Variants in MAEL observed in about 807,000 individuals in gnomAD.
The protein encoded by MAEL is protein maelstrom homolog.
A neutral mutation model predicts 62.0 loss-of-function variants in MAEL; 46 were observed. The observed-to-expected ratio is 0.74, with a 90% confidence interval of 0.59 to 0.95. The LOEUF is 0.95. MAEL is among the 40% of genes least tolerant of loss of function. MAEL has a pLI of 0.00. For synonymous variants in MAEL, 172 were observed against 175.5 expected (o/e 0.98, Z 0.16); for missense variants, 497 against 526.8 (o/e 0.94, Z 0.55).
chr1:166,978,507 A>G (rs150768833), intron 1 of MAEL, among the ~76,000 whole-genome samples: 18 of 152,268 alleles, frequency 1.2e-4, no homozygotes, highest in Middle Eastern at 3.4e-3. Flanking sequence ...CAGAGTCCCA[A>G]TGTGGTTTCT....
In MAEL at chr1:166,989,606, C is replaced by T. The variant is rs1571240593; in HGVS notation, c.132+122C>T. The T allele has an allele frequency of 8.8e-6, 13 of 1,473,308 alleles. 1 individual carries two copies. In the Middle Eastern group the frequency reaches 2.0e-3, roughly 230 times the overall value. 91.3% of individuals were successfully genotyped at this position (1,473,308 alleles called of 1,614,324 possible). A position where few individuals can be genotyped will look rare whatever the true frequency, so the allele number is the denominator to read the frequency against. On this transcript the variant is annotated intron_variant, in intron 1 of 11. Coordinates refer to ENST00000367872, the MANE Select transcript of MAEL (RefSeq NM_032858.3). ...TGGCCCTGCCAGAGGAAGAGGAAGGCCCCCGTTTGTGGCCCTGGGCAAACC... is the reference window on the plus strand; with the variant it reads ...TGGCCCTGCCAGAGGAAGAGGAAGGTCCCCGTTTGTGGCCCTGGGCAAACC...
intron 8 of MAEL, among the ~76,000 whole-genome samples, chr1:167,013,296 C>T (rs559332790): frequency 4.6e-5 from 7 of 152,276 alleles, no homozygotes; most frequent in African/African-American, 1.7e-4. Context: ...GAGATCACCT[C>T]GGCAAACAGC....
At chr1:166,979,826 C>G (rs937342709) in intron 1 of MAEL, among the ~76,000 whole-genome samples, 2 of 152,152 alleles carry the variant, frequency 1.3e-5, no homozygotes, top group African/African-American at 2.4e-5. Context: ...CCTGAATTAG[C>G]TCTCTACCAA....
chr1:166,992,963 C>T, intron 4 of MAEL, 122 bp downstream of exon 4: 1 of 809,764 alleles, frequency 1.2e-6, no homozygotes, highest in African/African-American at 1.8e-5. Flanking sequence ...CTTAATGTAA[C>T]AAGACTTCAT....
chr1:167,006,627 A>ACG (rs1664917743), intron 8 of MAEL, among the ~76,000 whole-genome samples: 1 of 71,928 alleles, frequency 1.4e-5, no homozygotes, highest in African/African-American at 5.5e-5. Flanking sequence ...ATATATATAT[A>ACG]TATATATATA....
chr1:167,019,318 A>C (rs904875692), intron 10 of MAEL, among the ~76,000 whole-genome samples: 1 of 152,142 alleles, frequency 6.6e-6, no homozygotes, highest in African/African-American at 2.4e-5. Context: ...CATCACCACT[A>C]TCTGTGTTCA....
chr1:166,995,279 TACCCA>T (rs1664373142), intron 5 of MAEL, among the ~76,000 whole-genome samples: 1 of 152,050 alleles, frequency 6.6e-6, no homozygotes, highest in Non-Finnish European at 1.5e-5. Context: ...ATGCTCTTGT[TACCCA>T]GGCTGGAGTG....
At chr1:167,006,911 C>T (rs1470016025) in intron 8 of MAEL, among the ~76,000 whole-genome samples, 1 of 151,942 alleles carries the variant, frequency 6.6e-6, no homozygotes, top group East Asian at 1.9e-4. Flanking sequence ...GCTGGGATTA[C>T]ATGCGTGAGC....
At chr1:167,018,857 G>A (rs531246004) in intron 10 of MAEL, among the ~76,000 whole-genome samples, 4 of 152,232 alleles carry the variant, frequency 2.6e-5, no homozygotes, top group African/African-American at 9.6e-5. Context: ...GTGGGAACAG[G>A]GTGTCTGTAA....
chr1:167,002,410 C>A (rs1436780986), intron 5 of MAEL, among the ~76,000 whole-genome samples: 1 of 152,088 alleles, frequency 6.6e-6, no homozygotes, highest in Non-Finnish European at 1.5e-5. Context: ...TTATCGGGAT[C>A]TTCTTTTTGG....
In MAEL at chr1:166,998,969, G is replaced by A. The variant is rs902782446; in HGVS notation, c.523+4900G>A. 1.6e-4 allele frequency among the ~76,000 whole-genome samples: 25 copies of A among 152,074 alleles called. 1 individual carries two copies. The highest frequency in any genetic ancestry group is 5.8e-4 in the African/African-American group (24 of 41,400). On this transcript the variant is annotated intron_variant, in intron 5 of 11. Transcript: ENST00000367872. ...TCATGAACCATGCCCATATAAGATG[G>A]CAAATTTAATTAATAAATGTTGTAT...
upstream of MAEL, among the ~76,000 whole-genome samples, chr1:166,988,348 T>TAAA (rs71073633): frequency 3.2e-5 from 3 of 93,084 alleles, no homozygotes; most frequent in Non-Finnish European, 6.5e-5. Context: ...AGACCCTGTC[T>TAAA]AAAAAAAAAA....
chr1:167,013,970 C>G (rs1216129474), intron 8 of MAEL, among the ~76,000 whole-genome samples: 1 of 152,144 alleles, frequency 6.6e-6, no homozygotes, highest in Admixed American at 6.5e-5. Context: ...CTCATGTCTT[C>G]TCTTTCTGCT....
intron 6 of MAEL, 58 bp from the exon 7 acceptor site, chr1:167,005,018 A>G: frequency 6.5e-7 from 1 of 1,533,492 alleles, no homozygotes; most frequent in South Asian, 1.2e-5. Flanking sequence ...AGTCATTCAA[A>G]GTAGGAGAAG....
intron 1 of MAEL, among the ~76,000 whole-genome samples, chr1:166,980,048 A>T (rs1246467798): frequency 6.6e-6 from 1 of 151,946 alleles, no homozygotes; most frequent in African/African-American, 2.4e-5. Flanking sequence ...ACAGGGTCTG[A>T]CTCTGTCACC....
In MAEL at chr1:167,014,980, C is replaced by T. The variant is rs375888973; in HGVS notation, c.846-1242C>T. ...TGGAGGTTGCAGTGAGCAGAGATCG[C>T]GCCTCATAGCTAAATATGAACACAA... is the stretch of plus-strand genomic sequence containing the variant. On this transcript the variant is annotated intron_variant, in intron 8 of 11. Transcript: ENST00000367872. Among the ~76,000 whole-genome samples the T allele has an allele frequency of 1.8e-4, 28 of 152,032 alleles. No individual in the cohort carries two copies. In the East Asian group the frequency reaches 2.9e-3, roughly 16 times the overall value.
chr1:166,977,552 G>T (rs972755270), intron 1 of MAEL, among the ~76,000 whole-genome samples: 1 of 152,204 alleles, frequency 6.6e-6, no homozygotes, highest in Non-Finnish European at 1.5e-5. Context: ...TACACCAGAA[G>T]ATTGAGATGA....
rs764232483 is a variant in MAEL at position 167,005,290 on chromosome 1, G to C, written c.738G>C (p.Glu246Asp). The change falls in exon 8 of 12, where the codon GAG (glutamate) becomes GAC (aspartate). Residue 246 changes from glutamate to aspartate, a missense_variant. By Grantham distance (45) the Glu-to-Asp change is conservative (BLOSUM62 2). Coordinates refer to ENST00000367872, the MANE Select transcript of MAEL (RefSeq NM_032858.3). ...AAGATCTACAACTTCTCACTGTAGAGGACCTTGTAGTGGGGATCTACCAAC... is the reference window on the plus strand; with the variant it reads ...AAGATCTACAACTTCTCACTGTAGACGACCTTGTAGTGGGGATCTACCAAC... The part of the protein sequence containing the change: ...IRQDLQLLTV[E>D]DLVVGIYQQK... 1 of 1,613,556 alleles carries C rather than the reference G, an allele frequency of 6.2e-7. No individual in the cohort carries two copies. The highest frequency in any genetic ancestry group is 2.2e-5 in the East Asian group (1 of 44,864).
intron 8 of MAEL, among the ~76,000 whole-genome samples, chr1:167,006,827 G>C (rs891282092): frequency 4.6e-5 from 7 of 151,318 alleles, no homozygotes; most frequent in Non-Finnish European, 1.0e-4. Flanking sequence ...GTAGAGATGT[G>C]GTTTCACCAT....
Sources: gnomAD v4.1 joint callset for allele counts (sites outside exome capture counted in the v4.1 genomes callset) on GRCh38, gnomAD v4.1.1 for gene constraint, MANE v1.5 for transcripts, NCBI Gene and HGNC (gene_info 2026-07-23, HGNC 2026-07-21) for gene names.